The following SLC22A25 variants were observed in gnomAD, a reference collection of about 807,000 sequenced individuals.
The protein encoded by SLC22A25 is MGI:2442751, MGI:2385316, MGI:3042283, MGI:3645714, MGI:3605624, MGI:2442750.
A neutral mutation model predicts 45.9 loss-of-function variants in SLC22A25; 44 were observed. That is an observed-to-expected ratio of 0.96 (90% confidence interval 0.75 to 1.23). SLC22A25 has a LOEUF of 1.23. Ranked by LOEUF, SLC22A25 falls within the 50% of genes most tolerant of loss-of-function variation. The pLI is 0.00. For synonymous variants in SLC22A25, 283 were observed against 238.6 expected (o/e 1.19, Z -1.72); for missense variants, 800 against 666.4 (o/e 1.20, Z -2.21).
At chr11:63,227,827 C>G (rs774711574) in intron 5 of SLC22A25, among the ~76,000 whole-genome samples, 8 of 152,236 alleles carry the variant, frequency 5.3e-5, no homozygotes, top group Non-Finnish European at 1.0e-4. Flanking sequence ...ATTCTGGACA[C>G]TGGGATGGGT....
At chr11:63,226,601 C>T (rs907538293) in intron 5 of SLC22A25, among the ~76,000 whole-genome samples, 17 of 152,218 alleles carry the variant, frequency 1.1e-4, no homozygotes, top group African/African-American at 3.9e-4. Context: ...CTGAAGACAG[C>T]ATAGCACTGG....
intron 3 of SLC22A25, among the ~76,000 whole-genome samples, chr11:63,236,615 C>T (rs1048254345): frequency 7.9e-5 from 12 of 152,158 alleles, no homozygotes; most frequent in Non-Finnish European, 1.5e-4. Context: ...CCTCACCCTG[C>T]TTTGGCTCAT....
At chr11:63,168,122 C>T (rs2087749101) in intron 9 of SLC22A25, 1 of 158,500 alleles carries the variant, frequency 6.3e-6, no homozygotes, top group African/African-American at 2.4e-5. Context: ...GTAACATCAA[C>T]ATCAACAAAA....
intron 7 of SLC22A25, among the ~76,000 whole-genome samples, chr11:63,186,071 G>A (rs1303831824): frequency 6.6e-6 from 1 of 151,300 alleles, no homozygotes; most frequent in Admixed American, 6.6e-5. Context: ...TAATGGGATG[G>A]CTGGGTCAAA....
chr11:63,235,082 T>G (rs1481924473), intron 3 of SLC22A25, among the ~76,000 whole-genome samples: 2 of 152,194 alleles, frequency 1.3e-5, no homozygotes, highest in Non-Finnish European at 2.9e-5. Flanking sequence ...TTTCCTTCAT[T>G]TCTTCGTTTC....
intron 10 of SLC22A25, among the ~76,000 whole-genome samples, chr11:63,165,322 AGAG>A (rs1385564869): frequency 6.6e-6 from 1 of 152,212 alleles, no homozygotes; most frequent in Non-Finnish European, 1.5e-5. Flanking sequence ...CTGACATTCA[AGAG>A]GAGAACTGGA....
chr11:63,230,645 AATTT>A (rs535112988), intron 3 of SLC22A25, among the ~76,000 whole-genome samples: 143 of 152,214 alleles, frequency 9.4e-4, no homozygotes, highest in African/African-American at 1.8e-3. Flanking sequence ...TTTTAAAAAA[AATTT>A]ATTTATTTAT....
intron 3 of SLC22A25, among the ~76,000 whole-genome samples, chr11:63,236,627 C>A (rs561236933): frequency 6.6e-6 from 1 of 152,144 alleles, no homozygotes; most frequent in African/African-American, 2.4e-5. Flanking sequence ...TTGGCTCATG[C>A]ACGGTGTGCT....
Position 63,164,631 on chromosome 11 carries a change from A to C in SLC22A25, c.1289T>G (p.Met430Arg). 6.2e-7 allele frequency: 1 copy of C among 1,612,914 alleles called. No homozygotes were observed. The highest frequency in any genetic ancestry group is 8.5e-7 in the Non-Finnish European group (1 of 1,179,042). Residue 430 changes from methionine (M) to arginine (R), a missense_variant, in exon 11 of 12, where the codon ATG (methionine) becomes AGG (arginine). Transcript: ENST00000306494. ...TGCCAAAACCACACGCAGGGTCTGC[A>C]TTTCTGGAGAAAGGAAGACCACAGG... ...LLAIIFVPQE[M>R]QTLRVVLATL...
intron 5 of SLC22A25, chr11:63,220,125 G>T (rs375773419): frequency 4.5e-4 from 351 of 777,780 alleles, no homozygotes; most frequent in African/African-American, 1.2e-3. Flanking sequence ...TTGTTGTAAG[G>T]TAGAGGTTGT....
chr11:63,197,277 A>T (rs1213189013), intron 7 of SLC22A25, among the ~76,000 whole-genome samples: 2 of 152,166 alleles, frequency 1.3e-5, no homozygotes, highest in African/African-American at 4.8e-5. Flanking sequence ...TATGGAACCA[A>T]AAAAGAGCCC....
chr11:63,190,198 T>G lies in SLC22A25; in HGVS notation c.831-6381A>C, dbSNP rs540127191. Among the ~76,000 whole-genome samples the G allele has an allele frequency of 7.8e-4, 119 of 152,352 alleles. 1 individual carries two copies. The South Asian group carries it at 0.016, about 20-fold the overall frequency. On this transcript the variant is annotated intron_variant, in intron 7 of 11. Coordinates refer to ENST00000306494, the MANE Select transcript of SLC22A25 (RefSeq NM_199352.6). Reference sequence around the variant, plus strand: ...CAGGTACACCAATCAGATGTAGATTTGGTCTTTTCAGATAGTCCCATATTT... The same window carrying G: ...CAGGTACACCAATCAGATGTAGATTGGGTCTTTTCAGATAGTCCCATATTT...
At chr11:63,214,747 C>A (rs550937719) in intron 7 of SLC22A25, among the ~76,000 whole-genome samples, 1 of 151,882 alleles carries the variant, frequency 6.6e-6, no homozygotes, top group East Asian at 1.9e-4. Context: ...CCCCACCCCA[C>A]GAAATGTTTA....
Position 63,160,639 on chromosome 11 carries a change from A to C in SLC22A25, c.*3185T>G, listed in dbSNP as rs946602296. Among the ~76,000 whole-genome samples the C allele has an allele frequency of 6.6e-6, 1 of 151,696 alleles. No homozygotes were observed. The highest frequency in any genetic ancestry group is 1.5e-5 in the Non-Finnish European group (1 of 67,936). ...TGGAGCTGTGAGAAGAGGGTCTTCG[A>C]CCTCCAGACCCCAGAATTGTAAAGG... On this transcript the variant is annotated 3_prime_UTR_variant, in exon 12 of 12. Coordinates refer to ENST00000306494, the MANE Select transcript of SLC22A25 (RefSeq NM_199352.6).
At position 63,183,835 on chromosome 11, in the gene SLC22A25, C is replaced by G. The variant is rs1419850652; in HGVS notation, c.831-18G>C. ...CCAGCCACCTGAGCAAAGAAGAGGA[C>G]AGAGGTGCAGCCAACCACTACTTAC... On this transcript the variant is annotated intron_variant, in intron 7 of 11. Coordinates refer to ENST00000306494, the MANE Select transcript of SLC22A25 (RefSeq NM_199352.6). The G allele has an allele frequency of 1.3e-5, 21 of 1,612,528 alleles. No homozygotes were observed. Among genetic ancestry groups the G allele is most frequent in the Non-Finnish European group, 1.8e-5 (21 of 1,179,024 alleles).
At chr11:63,185,922 T>C (rs1002395757) in intron 7 of SLC22A25, among the ~76,000 whole-genome samples, 3 of 151,346 alleles carry the variant, frequency 2.0e-5, no homozygotes, top group African/African-American at 7.3e-5. Flanking sequence ...ATGTGCCACA[T>C]TTTCTTAATC....
At chr11:63,211,360 G>A (rs58673340) in intron 7 of SLC22A25, among the ~76,000 whole-genome samples, 55,759 of 151,940 alleles carry the variant, frequency 0.37, 10,560 homozygotes, top group East Asian at 0.56. Context: ...ATCTCCAGGC[G>A]GTAAACAAGG....
intron 5 of SLC22A25, among the ~76,000 whole-genome samples, chr11:63,227,952 C>G (rs1050229854): frequency 1.3e-5 from 2 of 152,218 alleles, no homozygotes; most frequent in Non-Finnish European, 2.9e-5. Flanking sequence ...TTGCTGTGCT[C>G]TTCCTCCCCC....
intron 7 of SLC22A25, among the ~76,000 whole-genome samples, chr11:63,198,892 G>A (rs369393396): frequency 6.6e-6 from 1 of 152,024 alleles, no homozygotes; most frequent in Non-Finnish European, 1.5e-5. Context: ...GCATCTCTGG[G>A]ACACAGCTAA....
Sources: allele counts gnomAD v4.1 joint callset (sites outside exome capture counted in the v4.1 genomes callset), GRCh38; gene constraint gnomAD v4.1.1; transcripts MANE v1.5; gene names NCBI Gene and HGNC (gene_info 2026-07-23, HGNC 2026-07-21).